MOB3A: variants seen among roughly 807,000 people sequenced by gnomAD.
The protein encoded by MOB3A is MOB kinase activator 3A.
MOB3A carries 17 observed loss-of-function variants against 17.8 expected under a neutral mutation model. That is an observed-to-expected ratio of 0.95 (90% CI 0.65 to 1.43). The LOEUF (loss-of-function observed/expected upper bound fraction) is 1.43, where lower values mean the gene tolerates loss of function less well. Ranked by LOEUF, MOB3A falls within the 40% of genes most tolerant of loss-of-function variation. The pLI is 0.00. For missense variants in MOB3A, 333 were observed against 310.8 expected (o/e 1.07, Z -0.54); for synonymous variants, 124 against 133.2 (o/e 0.93, Z 0.48).
intron 4 of MOB3A, among the ~76,000 whole-genome samples, chr19:2,076,123 C>CAAAAAAA: frequency 2.9e-5 from 1 of 34,372 alleles, no homozygotes; most frequent in South Asian, 1.1e-3. Context: ...ACTCCATCTC[C>CAAAAAAA]AAAAAAAAAA....
chr19:2,078,902 G>A (rs1599404422), intron 2 of MOB3A, among the ~76,000 whole-genome samples: 1 of 152,118 alleles, frequency 6.6e-6, no homozygotes, highest in Non-Finnish European at 1.5e-5. Context: ...GGGACTATAG[G>A]CACACACCAC....
chr19:2,076,580 C>T (rs1254476340), intron 4 of MOB3A, among the ~76,000 whole-genome samples: 1 of 152,196 alleles, frequency 6.6e-6, no homozygotes, highest in Admixed American at 6.5e-5. Context: ...CGGGGCGGCG[C>T]GGAGGAAACT....
At chr19:2,074,068 C>T (rs772268974) in intron 4 of MOB3A, among the ~76,000 whole-genome samples, 6 of 151,660 alleles carry the variant, frequency 4.0e-5, no homozygotes, top group East Asian at 1.9e-4. Flanking sequence ...CTGAGGTGGG[C>T]GGATCATGAG....
intron 1 of MOB3A, among the ~76,000 whole-genome samples, chr19:2,086,791 T>A (rs55808750): frequency 0.083 from 12,605 of 152,034 alleles, 561 homozygotes; most frequent in African/African-American, 0.12. Context: ...TTGTCTGGTT[T>A]ACATTTTTGT....
At chr19:2,086,990 TA>T (rs2017561401) in intron 1 of MOB3A, among the ~76,000 whole-genome samples, 1 of 151,106 alleles carries the variant, frequency 6.6e-6, no homozygotes. Flanking sequence ...GGGGTCTTGC[TA>T]TGTTGTCCAG....
In MOB3A at chr19:2,073,497, G is replaced by A. The variant is rs1030092311; in HGVS notation, c.625-73C>T. The A allele has an allele frequency of 1.8e-5, 28 of 1,598,546 alleles. No individual in the cohort carries two copies. The South Asian group carries it at 2.0e-4, about 11-fold the overall frequency. On this transcript the variant is annotated intron_variant, in intron 4 of 4. Transcript: ENST00000357066. ...GGGGTGATGCGAACAGCAGACACACGGAGACGCACAGGCAGAGAAACGGCA... is the reference window on the plus strand; with the variant it reads ...GGGGTGATGCGAACAGCAGACACACAGAGACGCACAGGCAGAGAAACGGCA...
At chr19:2,084,020 C>T (rs563382776) in intron 2 of MOB3A, 10 of 391,698 alleles carry the variant, frequency 2.6e-5, no homozygotes, top group Admixed American at 8.9e-5. Flanking sequence ...GATCCTCCTA[C>T]GTCAGCTTCC....
intron 1 of MOB3A, among the ~76,000 whole-genome samples, chr19:2,094,699 C>T (rs1028216364): frequency 2.6e-5 from 4 of 152,228 alleles, no homozygotes; most frequent in African/African-American, 9.6e-5. Context: ...CAGGGCACTC[C>T]CCGCTGCCTA....
intron 2 of MOB3A, among the ~76,000 whole-genome samples, chr19:2,080,008 G>A (rs937124558): frequency 8.5e-5 from 13 of 152,148 alleles, no homozygotes; most frequent in Non-Finnish European, 1.9e-4. Flanking sequence ...GCGGAGGGGC[G>A]ACCTGGATCA....
chr19:2,075,576 C>T (rs922105144), intron 4 of MOB3A, among the ~76,000 whole-genome samples: 5 of 152,198 alleles, frequency 3.3e-5, no homozygotes, highest in African/African-American at 1.2e-4. Context: ...CAGCGCCCAG[C>T]AGCCTGGGGA....
intron 1 of MOB3A, among the ~76,000 whole-genome samples, chr19:2,092,175 A>ACTG (rs138348130): frequency 0.074 from 10,683 of 143,908 alleles, 392 homozygotes; most frequent in Middle Eastern, 0.082. Context: ...ATCACGGCTC[A>ACTG]CTGCAGCCTC....
In MOB3A at chr19:2,074,719, A is replaced by AT. The variant is rs887172854; in HGVS notation, c.625-1296dup. Among the ~76,000 whole-genome samples the AT allele has an allele frequency of 3.9e-3, 573 of 146,860 alleles. 2 individuals are homozygous for AT. In the Middle Eastern group the frequency reaches 0.042, roughly 11 times the overall value. Reference sequence around the variant, plus strand: ...AAGTGCCCACCACCATGCCTGGCTAATTTTTTTTTTTCCCCTGAGACAGAG... The same window carrying AT: ...AAGTGCCCACCACCATGCCTGGCTAATTTTTTTTTTTTCCCCTGAGACAGAG... On this transcript the variant is annotated intron_variant, in intron 4 of 4. Transcript: ENST00000357066.
chr19:2,076,778 T>C (rs763182036), intron 4 of MOB3A, 33 bp downstream of exon 4: 1 of 1,607,330 alleles, frequency 6.2e-7, no homozygotes, highest in South Asian at 1.1e-5. Flanking sequence ...AGCCCCACCG[T>C]AACCGCACGC....
chr19:2,079,937 G>T (rs573455772), intron 2 of MOB3A, among the ~76,000 whole-genome samples: 2 of 152,196 alleles, frequency 1.3e-5, no homozygotes, highest in Non-Finnish European at 2.9e-5. Flanking sequence ...GTGGGGACCC[G>T]GCGTCCTCCT....
At chr19:2,076,338 A>AG (rs1319440586) in intron 4 of MOB3A, among the ~76,000 whole-genome samples, 5 of 152,012 alleles carry the variant, frequency 3.3e-5, no homozygotes, top group Admixed American at 6.6e-5. Flanking sequence ...AGGCTGAGGC[A>AG]GGAGAATCAC....
At chr19:2,095,891 C>T (rs2017682315) in intron 1 of MOB3A, among the ~76,000 whole-genome samples, 1 of 151,974 alleles carries the variant, frequency 6.6e-6, no homozygotes, top group East Asian at 1.9e-4. Context: ...ATTACAGGTG[C>T]GCGCCACCTC....
At position 2,078,649 on chromosome 19, in the gene MOB3A, A is replaced by G. The variant is rs2017449206; in HGVS notation, c.-89T>C. 6 of 1,313,960 alleles carry G rather than the reference A, an allele frequency of 4.6e-6. No homozygotes were observed. The highest frequency in any genetic ancestry group is 6.2e-6 in the Non-Finnish European group (6 of 963,592). The allele number at this position is 1,313,960 out of a possible 1,614,324, so 81.4% of individuals were successfully genotyped here. ...TGACCAACCCGAGAGGCCACGAAAC[A>G]CTCACCAAGCCCCACAGCTCTCCCG... is the stretch of plus-strand genomic sequence containing the variant. On this transcript the variant is annotated 5_prime_UTR_variant, in exon 3 of 5. Coordinates refer to ENST00000357066, the MANE Select transcript of MOB3A (RefSeq NM_130807.3).
At position 2,082,459 on chromosome 19, in the gene MOB3A, G is replaced by T. The variant is rs148172884; in HGVS notation, c.-120+2716C>A. 7.5e-3 allele frequency among the ~76,000 whole-genome samples: 1,139 copies of T among 152,330 alleles called. 17 individuals are homozygous for T. The highest frequency in any genetic ancestry group is 0.026 in the African/African-American group (1,065 of 41,574). ...GTGAGATCGTGGCTCAGATGATTAT[G>T]ACTGATTCTACAGCAGTGTCTCACG... is the stretch of plus-strand genomic sequence containing the variant. On this transcript the variant is annotated intron_variant, in intron 2 of 4. Transcript: ENST00000357066. The surrounding 1 kb of genome is among the most constrained non-coding windows in gnomAD (Gnocchi z 4.1).
intron 4 of MOB3A, among the ~76,000 whole-genome samples, chr19:2,075,575 G>C (rs2017394644): frequency 6.6e-6 from 1 of 152,180 alleles, no homozygotes; most frequent in Non-Finnish European, 1.5e-5. Flanking sequence ...ACAGCGCCCA[G>C]CAGCCTGGGG....
Sources: gnomAD v4.1 joint callset for allele counts (sites outside exome capture counted in the v4.1 genomes callset) on GRCh38, gnomAD v4.1.1 for gene constraint, Gnocchi (gnomAD v3.1) non-coding constraint, MANE v1.5 for transcripts, NCBI Gene and HGNC (gene_info 2026-07-23, HGNC 2026-07-21) for gene names.